BMPER: variants seen among roughly 807,000 people sequenced by gnomAD.
BMPER encodes BMP-binding endothelial regulator protein.
A neutral mutation model predicts 87.3 loss-of-function variants in BMPER; 45 were observed. The observed-to-expected ratio is 0.52, with a 90% CI of 0.41 to 0.66. The LOEUF (loss-of-function observed/expected upper bound fraction) is 0.66. BMPER is among the 30% of genes least tolerant of loss of function. The pLI, the probability that BMPER is intolerant of heterozygous loss-of-function variation, is 0.00. For missense variants in BMPER, 784 were observed against 867.5 expected, an observed-to-expected ratio of 0.90 and a Z score of 1.21; for synonymous variants, 326 against 316.2, an observed-to-expected ratio of 1.03 and a Z score of -0.33.
intron 6 of BMPER, among the ~76,000 whole-genome samples, chr7:34,025,696 G>A (rs191484265): frequency 2.0e-5 from 3 of 152,074 alleles, no homozygotes; most frequent in Non-Finnish European, 2.9e-5. Flanking sequence ...AGAAGAGATC[G>A]GGAGACTCAA....
At chr7:34,147,835 A>C (rs1791070000) in intron 14 of BMPER, among the ~76,000 whole-genome samples, 1 of 152,164 alleles carries the variant, frequency 6.6e-6, no homozygotes. Context: ...ATCACATCAC[A>C]CCTATGTTTT....
At chr7:34,043,572 G>A (rs912425758) in intron 6 of BMPER, among the ~76,000 whole-genome samples, 1 of 152,130 alleles carries the variant, frequency 6.6e-6, no homozygotes, top group African/African-American at 2.4e-5. Flanking sequence ...TAGCTCGAGT[G>A]GGTTGAACTT....
At position 33,906,819 on chromosome 7, in the gene BMPER, T is replaced by G; in HGVS notation, c.135T>G (p.Gly45=). The stretch of plus-strand genomic sequence containing the variant: ...ACATTTTTCCCCCCTGAATTTCAGG[T>G]TCTGTTGCAAAATGTGAAAATGAAG... The part of the protein sequence containing the change: ...PMSLASSFLT[G]SVAKCENEGE... Residue 45 remains glycine (G), a splice_region_variant and synonymous_variant, in exon 2 of 15, where the codon GGT becomes GGG. Transcript: ENST00000649409. 1 of 1,613,052 alleles carries G rather than the reference T, an allele frequency of 6.2e-7. No individual in the cohort carries two copies. The highest frequency in any genetic ancestry group is 8.5e-7 in the Non-Finnish European group (1 of 1,179,110).
At chr7:33,966,622 C>A (rs540979225) in intron 4 of BMPER, 61 bp downstream of exon 4, 3 of 1,496,962 alleles carry the variant, frequency 2.0e-6, no homozygotes, top group African/African-American at 2.8e-5. Flanking sequence ...CTTTAGTCAC[C>A]CCTTCACACA....
chr7:33,928,644 A>C (rs1290683197), intron 2 of BMPER, among the ~76,000 whole-genome samples: 1 of 149,606 alleles, frequency 6.7e-6, no homozygotes, highest in East Asian at 1.9e-4. Flanking sequence ...AAAGCCAAAA[A>C]AAAAAAAAAA....
intron 6 of BMPER, among the ~76,000 whole-genome samples, chr7:34,020,147 G>C (rs536507115): frequency 7.8e-4 from 118 of 152,014 alleles, no homozygotes; most frequent in Non-Finnish European, 1.3e-3. Flanking sequence ...GTTTGGGAAA[G>C]AAGGCAGAAG....
At chr7:34,000,407 G>C (rs1786549158) in intron 6 of BMPER, among the ~76,000 whole-genome samples, 1 of 152,058 alleles carries the variant, frequency 6.6e-6, no homozygotes, top group Non-Finnish European at 1.5e-5. Flanking sequence ...TTTGAAGGTT[G>C]ACTATATATT....
In BMPER at chr7:34,154,418, C is replaced by A. The variant is rs1439737198; in HGVS notation, c.*1145C>A. ...TCTTCAGTTGAATTGGTGAAAACAT[C>A]AACAAAAACAAAACCCACTGTGTCT... On this transcript the variant is annotated 3_prime_UTR_variant, in exon 15 of 15. Coordinates refer to ENST00000649409, the MANE Select transcript of BMPER (RefSeq NM_001365308.1). The A allele has an allele frequency of 6.6e-6, 1 of 152,142 alleles. No individual in the cohort carries two copies. Among genetic ancestry groups the A allele is most frequent in the African/African-American group, 2.4e-5 (1 of 41,436 alleles). The allele number at this position is 152,142 out of a possible 1,614,324, so 9.4% of individuals were successfully genotyped here.
At chr7:34,046,094 T>A (rs957944360) in intron 6 of BMPER, among the ~76,000 whole-genome samples, 1 of 152,034 alleles carries the variant, frequency 6.6e-6, no homozygotes, top group African/African-American at 2.4e-5. Flanking sequence ...GATGCTGGAA[T>A]CACCTCCTCA....
chr7:33,966,458 G>A lies in BMPER; in HGVS notation c.320-21G>A, dbSNP rs748885946. The A allele has an allele frequency of 4.4e-6, 7 of 1,607,288 alleles. No homozygotes were observed. The East Asian group carries it at 6.7e-5, about 15-fold the overall frequency. On this transcript the variant is annotated intron_variant, in intron 3 of 14. Transcript: ENST00000649409. ...ATACCCATTCTTGGCCTTTCTTCCT[G>A]CTTCTGTGTCTCCTGTCTAGGTTGC...
intron 6 of BMPER, among the ~76,000 whole-genome samples, chr7:33,994,441 C>T (rs542425159): frequency 1.3e-4 from 20 of 152,286 alleles, no homozygotes; most frequent in South Asian, 2.1e-4. Flanking sequence ...TGACCCCTTG[C>T]GCTTCCCAAG....
rs769612505 is a variant in BMPER at position 34,078,967 on chromosome 7, C to G, written c.1189C>G (p.Pro397Ala). The change falls in exon 12 of 15, where the codon CCT becomes GCT. Residue 397 changes from proline to alanine, a missense_variant. Pro to Ala is a conservative substitution (Grantham distance 27, BLOSUM62 -1). Coordinates refer to ENST00000649409, the MANE Select transcript of BMPER (RefSeq NM_001365308.1). ...CGTTTTGACAAAAGACTGCTCCTCC[C>G]CTGCCTCGCCCTTCCAGGTGCTGGT... ...QYVLTKDCSS[P>A]ASPFQVLVKN... 1.2e-6 allele frequency: 2 copies of G among 1,614,216 alleles called. No individual in the cohort carries two copies. The highest frequency in any genetic ancestry group is 3.3e-5 in the Admixed American group (2 of 60,032).
In BMPER at chr7:33,912,519, A is replaced by G. The variant is rs184432778; in HGVS notation, c.219+5616A>G. 4.7e-3 allele frequency among the ~76,000 whole-genome samples: 716 copies of G among 152,322 alleles called. 3 individuals carry two copies. The highest frequency in any genetic ancestry group is 8.1e-3 in the Non-Finnish European group (548 of 68,018). Reference sequence around the variant, plus strand: ...TGTTGAGGAAAGAGAGCCCTTCCCCAGACTAGAATGCAAATAGGGGGAGGG... The same window carrying G: ...TGTTGAGGAAAGAGAGCCCTTCCCCGGACTAGAATGCAAATAGGGGGAGGG... On this transcript the variant is annotated intron_variant, in intron 2 of 14. Transcript: ENST00000649409.
intron 12 of BMPER, among the ~76,000 whole-genome samples, chr7:34,080,314 A>G (rs1441607069): frequency 6.6e-6 from 1 of 152,198 alleles, no homozygotes; most frequent in East Asian, 1.9e-4. Flanking sequence ...TCAAGCCAAA[A>G]GGTATTTTGA....
At chr7:34,022,011 A>G (rs1001863688) in intron 6 of BMPER, among the ~76,000 whole-genome samples, 2 of 152,018 alleles carry the variant, frequency 1.3e-5, no homozygotes, top group Non-Finnish European at 2.9e-5. Flanking sequence ...ATTTGTGGTG[A>G]AGACCTTTCT....
At chr7:34,074,699 G>A (rs1378180554) in intron 11 of BMPER, among the ~76,000 whole-genome samples, 3 of 152,180 alleles carry the variant, frequency 2.0e-5, no homozygotes, top group Admixed American at 2.0e-4. Context: ...AGTATGATGA[G>A]CTGGAGAGAC....
At chr7:33,966,622 C>G in intron 4 of BMPER, 61 bp downstream of exon 4, 1 of 1,496,966 alleles carries the variant, frequency 6.7e-7, no homozygotes, top group Non-Finnish European at 9.3e-7. Context: ...CTTTAGTCAC[C>G]CCTTCACACA....
intron 6 of BMPER, among the ~76,000 whole-genome samples, chr7:34,041,197 T>C (rs1261418978): frequency 6.6e-6 from 1 of 152,220 alleles, no homozygotes; most frequent in Non-Finnish European, 1.5e-5. Context: ...TGGCAGATTT[T>C]CTGAGCAATT....
At chr7:34,147,167 A>G (rs1462816477) in intron 14 of BMPER, among the ~76,000 whole-genome samples, 2 of 151,860 alleles carry the variant, frequency 1.3e-5, no homozygotes, top group African/African-American at 4.8e-5. Context: ...GGCTCTGCAA[A>G]CCCCAGATGG....
Sources: gnomAD v4.1 joint callset for allele counts (sites outside exome capture counted in the v4.1 genomes callset) on GRCh38, gnomAD v4.1.1 for gene constraint, MANE v1.5 for transcripts, NCBI Gene and HGNC (gene_info 2026-07-23, HGNC 2026-07-21) for gene names.